The following PREX1 variants were observed in gnomAD, a reference collection of about 807,000 sequenced individuals.
The protein encoded by PREX1 is phosphatidylinositol-3,4,5-trisphosphate dependent Rac exchange factor 1, also known as phosphatidylinositol 3,4,5-trisphosphate-dependent Rac exchanger 1 protein.
A neutral mutation model predicts 198.3 loss-of-function variants in PREX1; 41 were observed. The ratio of observed to expected loss-of-function variants is 0.21; its 90% confidence interval spans 0.16 to 0.27. The LOEUF is 0.27. PREX1 is among the 10% of genes least tolerant of loss of function. The pLI is 1.00. For missense variants in PREX1, 1,620 were observed against 2,200.7 expected, an observed-to-expected ratio of 0.74 and a Z score of 5.28; for synonymous variants, 843 against 887.2, an observed-to-expected ratio of 0.95 and a Z score of 0.89.
intron 2 of PREX1, 71 bp downstream of exon 2, chr20:48,747,738 A>G: frequency 6.7e-7 from 1 of 1,481,628 alleles, no homozygotes; most frequent in Non-Finnish European, 9.3e-7. Context: ...CCCTCTGAGC[A>G]TCGCACGGGA....
chr20:48,634,154 G>T (rs1336942682), intron 33 of PREX1, among the ~76,000 whole-genome samples: 3 of 132,674 alleles, frequency 2.3e-5, no homozygotes, highest in African/African-American at 8.3e-5. Context: ...GTGGATGGAT[G>T]GATGGATGGA....
At position 48,666,771 on chromosome 20, in the gene PREX1, C is replaced by T. The variant is rs1483152425; in HGVS notation, c.1666-416G>A. On this transcript the variant is annotated intron_variant, in intron 14 of 39. Coordinates refer to ENST00000371941, the MANE Select transcript of PREX1 (RefSeq NM_020820.4). This position sits in a 1 kb window ranked among gnomAD's most constrained non-coding sequence, Gnocchi z 4.3. ...CAATCTCCTGACCTCGTGATCCGTCCGTCTTGGCCTCCCAAAGTGCTGGAA... is the reference window on the plus strand; with the variant it reads ...CAATCTCCTGACCTCGTGATCCGTCTGTCTTGGCCTCCCAAAGTGCTGGAA... Among the ~76,000 whole-genome samples the T allele has an allele frequency of 1.3e-5, 2 of 152,096 alleles. No individual in the cohort carries two copies. The highest frequency in any genetic ancestry group is 2.4e-5 in the African/African-American group (1 of 41,412).
In PREX1 at chr20:48,655,276, A is replaced by G; in HGVS notation, c.2209+14T>C. On this transcript the variant is annotated intron_variant, in intron 19 of 39. Transcript: ENST00000371941. Reference sequence around the variant, plus strand: ...TTCTGCACCTTTCCCCTCTCTCCCAAGGCTCCCACTCACCTCTCCCCACAG... The same window carrying G: ...TTCTGCACCTTTCCCCTCTCTCCCAGGGCTCCCACTCACCTCTCCCCACAG... 3 of 1,539,590 alleles carry G rather than the reference A, an allele frequency of 1.9e-6. No individual in the cohort carries two copies. The highest frequency in any genetic ancestry group is 2.7e-6 in the Non-Finnish European group (3 of 1,119,252).
At chr20:48,705,785 C>T (rs2089900109) in intron 6 of PREX1, among the ~76,000 whole-genome samples, 2 of 152,186 alleles carry the variant, frequency 1.3e-5, no homozygotes. Flanking sequence ...CATTCATATT[C>T]CACACCTCAC....
At chr20:48,726,176 G>A (rs1271752225) in intron 5 of PREX1, 114 bp downstream of exon 5, 1 of 829,240 alleles carries the variant, frequency 1.2e-6, no homozygotes, top group Non-Finnish European at 2.0e-6. Flanking sequence ...TTTAAATCCA[G>A]CCCGGCCCAA....
chr20:48,648,890 G>A (rs189224170), intron 25 of PREX1, among the ~76,000 whole-genome samples: 37 of 152,280 alleles, frequency 2.4e-4, no homozygotes, highest in African/African-American at 7.9e-4. Context: ...GCGGGGCTGC[G>A]TCTGTGTCCT....
At chr20:48,708,822 GA>G (rs2089916253) in intron 5 of PREX1, among the ~76,000 whole-genome samples, 1 of 152,152 alleles carries the variant, frequency 6.6e-6, no homozygotes, top group Non-Finnish European at 1.5e-5. Flanking sequence ...ATGAGGAACA[GA>G]AAGGAGGCAG....
intron 1 of PREX1, among the ~76,000 whole-genome samples, chr20:48,815,460 A>C (rs1338845784): frequency 6.6e-6 from 1 of 152,218 alleles, no homozygotes; most frequent in African/African-American, 2.4e-5. Context: ...GAAATCACTA[A>C]ACAATGAGTT....
chr20:48,732,363 G>A (rs984850995), intron 4 of PREX1, among the ~76,000 whole-genome samples: 2 of 151,638 alleles, frequency 1.3e-5, no homozygotes, highest in Admixed American at 1.3e-4. Context: ...CTGAGTGAAG[G>A]AGAAGTGCAA....
intron 1 of PREX1, among the ~76,000 whole-genome samples, chr20:48,818,229 A>T (rs1443231069): frequency 6.6e-6 from 1 of 152,190 alleles, no homozygotes; most frequent in African/African-American, 2.4e-5. Context: ...TACCCAGAAG[A>T]TTCTGGAACT....
Position 48,650,065 on chromosome 20 carries a change from A to C in PREX1, c.2959T>G (p.Ser987Ala). The C allele has an allele frequency of 6.2e-7, 1 of 1,614,166 alleles. No homozygotes were observed. The highest frequency in any genetic ancestry group is 8.5e-7 in the Non-Finnish European group (1 of 1,180,028). The change falls in exon 24 of 40, where the codon TCA becomes GCA. Residue 987 changes from serine to alanine, a missense_variant. Ser to Ala is a moderately conservative substitution (Grantham distance 99). Coordinates refer to ENST00000371941, the MANE Select transcript of PREX1 (RefSeq NM_020820.4). The part of the protein sequence containing the change: ...MEVSYPKTTP[S>A]VGRSFSIRFG... ...CGGATGCTGAAGGACCTGCCCACTG[A>C]GGGGGTGGTCTTGGGGTAGGACACT... is the stretch of plus-strand genomic sequence containing the variant.
the PREX1 span, among the ~76,000 whole-genome samples, chr20:48,853,501 TG>T: frequency 8.7e-3 from 1,323 of 152,232 alleles, 20 homozygotes; most frequent in African/African-American, 0.031. Flanking sequence ...CGAGATAGCA[TG>T]GGGGGAACCA....
chr20:48,644,400 T>TCCACTCAC lies in PREX1; in HGVS notation c.3601+1_3601+8dup. ...CTCCCTGAGCACAGGCCGCTGCCAC[T>TCCACTCAC]CCACTCACCAGACCCCATCTCGTCG... On this transcript the variant is annotated intron_variant, in intron 27 of 39. Coordinates refer to ENST00000371941, the MANE Select transcript of PREX1 (RefSeq NM_020820.4). 2 of 1,611,074 alleles carry TCCACTCAC rather than the reference T, an allele frequency of 1.2e-6. No individual in the cohort carries two copies. Among genetic ancestry groups the TCCACTCAC allele is most frequent in the Non-Finnish European group, 1.7e-6 (2 of 1,177,648 alleles).
At chr20:48,804,638 T>C (rs1180049215) in intron 1 of PREX1, among the ~76,000 whole-genome samples, 2 of 152,042 alleles carry the variant, frequency 1.3e-5, no homozygotes, top group Non-Finnish European at 2.9e-5. Context: ...GCAGGGTACA[T>C]GTGGAGAACC....
chr20:48,686,652 C>G (rs2089786632), intron 10 of PREX1, among the ~76,000 whole-genome samples: 1 of 152,182 alleles, frequency 6.6e-6, no homozygotes. Flanking sequence ...GCCAGGCTGC[C>G]CCGCCCCGCC....
intron 14 of PREX1, among the ~76,000 whole-genome samples, chr20:48,675,764 C>T (rs985950467): frequency 1.3e-5 from 2 of 152,240 alleles, no homozygotes; most frequent in Non-Finnish European, 1.5e-5. Flanking sequence ...GATGGCCGGG[C>T]GTGGTGGCTC....
chr20:48,786,595 T>G (rs1181774342), intron 1 of PREX1, among the ~76,000 whole-genome samples: 5 of 151,622 alleles, frequency 3.3e-5, no homozygotes, highest in Non-Finnish European at 7.4e-5. Context: ...AATACAAAAA[T>G]TAGCTAGGTG....
chr20:48,743,917 G>A (rs73144586), intron 3 of PREX1, among the ~76,000 whole-genome samples: 10,773 of 152,244 alleles, frequency 0.071, 470 homozygotes, highest in South Asian at 0.18. Context: ...ATTGCCCTCT[G>A]AGGGCAAAGT....
At chr20:48,880,981 TAAAAAAAAA>T in the PREX1 span, among the ~76,000 whole-genome samples, 7 of 20,968 alleles carry the variant, frequency 3.3e-4, no homozygotes, top group Admixed American at 7.0e-4. Flanking sequence ...AAACCATTGC[TAAAAAAAAA>T]AAAAAAAAAA....
Sources: allele counts gnomAD v4.1 joint callset (sites outside exome capture counted in the v4.1 genomes callset), GRCh38; gene constraint gnomAD v4.1.1; non-coding constraint Gnocchi (gnomAD v3.1); transcripts MANE v1.5; gene names NCBI Gene and HGNC (gene_info 2026-07-23, HGNC 2026-07-21).